The following NCALD variants were observed in gnomAD, a reference collection of about 807,000 sequenced individuals.
NCALD encodes neurocalcin-delta.
A neutral mutation model predicts 18.6 loss-of-function variants in NCALD; 10 were observed. The observed-to-expected ratio is 0.54, with a 90% CI of 0.33 to 0.91. The LOEUF is 0.91. Ranked by LOEUF, NCALD falls within the 40% of genes least tolerant of loss-of-function variation. The pLI is 0.03. For missense variants in NCALD, 184 were observed against 247.6 expected (o/e 0.74, Z 1.72); for synonymous variants, 88 against 87.4 (o/e 1.01, Z -0.04).
At chr8:102,033,750 G>A (rs1426304610) in intron 1 of NCALD, among the ~76,000 whole-genome samples, 1 of 152,106 alleles carries the variant, frequency 6.6e-6, no homozygotes, top group African/African-American at 2.4e-5. Flanking sequence ...TCTCTGGGGT[G>A]CCTTATTACT....
chr8:101,921,257 TAA>T (rs55994629), intron 2 of NCALD, among the ~76,000 whole-genome samples: 36 of 136,354 alleles, frequency 2.6e-4, no homozygotes, highest in African/African-American at 6.1e-4. Context: ...CAGAAATGTG[TAA>T]AAAAAAAAAA....
intron 4 of NCALD, among the ~76,000 whole-genome samples, chr8:101,877,832 T>G (rs1159945452): frequency 1.3e-5 from 2 of 152,188 alleles, no homozygotes; most frequent in African/African-American, 2.4e-5. Context: ...GAAGAGCTGT[T>G]TGAACACCTC....
chr8:101,695,335 T>C (rs1466851638), intron 2 of NCALD, among the ~76,000 whole-genome samples: 3 of 152,158 alleles, frequency 2.0e-5, no homozygotes, highest in South Asian at 4.1e-4. Context: ...TGGGGCTGGA[T>C]TGTTCCTTCT....
chr8:101,769,924 C>A (rs1053654089), intron 1 of NCALD, among the ~76,000 whole-genome samples: 9 of 152,136 alleles, frequency 5.9e-5, no homozygotes, highest in Non-Finnish European at 1.3e-4. Flanking sequence ...GAAGGGAGAG[C>A]AGACAAGCCC....
chr8:101,811,978 C>A (rs1813321220), intron 4 of NCALD, among the ~76,000 whole-genome samples: 1 of 152,186 alleles, frequency 6.6e-6, no homozygotes, highest in South Asian at 2.1e-4. Flanking sequence ...CTATCATCTA[C>A]AATTCAAATC....
At chr8:101,864,901 G>T (rs1195780516) in intron 4 of NCALD, among the ~76,000 whole-genome samples, 2 of 152,108 alleles carry the variant, frequency 1.3e-5, no homozygotes, top group Non-Finnish European at 1.5e-5. Flanking sequence ...CAGCTGGATT[G>T]TTCCAATTTT....
intron 4 of NCALD, among the ~76,000 whole-genome samples, chr8:101,806,670 C>A (rs1813113193): frequency 6.6e-6 from 1 of 151,690 alleles, no homozygotes; most frequent in Admixed American, 6.6e-5. Flanking sequence ...ATCTGAAGAG[C>A]AGAAAGAAAA....
chr8:101,910,759 A>G (rs1817767543), intron 3 of NCALD, among the ~76,000 whole-genome samples: 1 of 152,226 alleles, frequency 6.6e-6, no homozygotes, highest in Non-Finnish European at 1.5e-5. Flanking sequence ...ATTAAGGTAC[A>G]TGGCAAATAT....
chr8:101,745,117 CA>C (rs1367167004), intron 1 of NCALD, among the ~76,000 whole-genome samples: 11 of 151,688 alleles, frequency 7.3e-5, no homozygotes, highest in Non-Finnish European at 1.6e-4. Context: ...TATGAACTCT[CA>C]AAAAACGTAG....
intron 4 of NCALD, among the ~76,000 whole-genome samples, chr8:101,829,925 T>C (rs1215674652): frequency 1.3e-5 from 2 of 152,050 alleles, no homozygotes; most frequent in East Asian, 3.9e-4. Context: ...TAAGTGTTAT[T>C]TCCACCATTT....
intron 2 of NCALD, among the ~76,000 whole-genome samples, chr8:101,920,928 T>C (rs779125013): frequency 1.3e-5 from 2 of 152,070 alleles, no homozygotes; most frequent in African/African-American, 4.8e-5. Flanking sequence ...AATGTGACAA[T>C]AGGAAATTAC....
intron 3 of NCALD, among the ~76,000 whole-genome samples, chr8:101,909,677 A>G (rs1437753580): frequency 6.6e-6 from 1 of 152,202 alleles, no homozygotes; most frequent in Middle Eastern, 3.2e-3. Context: ...AAACTTCTGA[A>G]AAGTTCAGAA....
intron 4 of NCALD, among the ~76,000 whole-genome samples, chr8:101,862,340 C>T (rs1276802238): frequency 1.3e-5 from 2 of 152,190 alleles, no homozygotes; most frequent in African/African-American, 4.8e-5. Context: ...CTAGGACTTA[C>T]AGGATTTCCC....
At chr8:101,822,068 T>A (rs1008736096) in intron 4 of NCALD, among the ~76,000 whole-genome samples, 2 of 152,046 alleles carry the variant, frequency 1.3e-5, no homozygotes, top group African/African-American at 4.8e-5. Context: ...TTGTTGTAAG[T>A]ATTAAATGAA....
chr8:102,122,948 C>A lies in NCALD; in HGVS notation c.-210+1289G>T, dbSNP rs528735263. ...TAGGTAAACATGTGAATTTCAGTTT[C>A]TTGAGCCTCCTCCCCAGATCTGTCC... is the stretch of plus-strand genomic sequence containing the variant. On this transcript the variant is annotated intron_variant, in intron 1 of 6. Transcript: ENST00000311028. Among the ~76,000 whole-genome samples the A allele has an allele frequency of 5.3e-5, 8 of 152,346 alleles. No individual in the cohort carries two copies. In the South Asian group the frequency reaches 1.7e-3, roughly 32 times the overall value.
chr8:101,905,468 C>T (rs62518468), intron 3 of NCALD, among the ~76,000 whole-genome samples: 14,751 of 152,188 alleles, frequency 0.097, 757 homozygotes, highest in East Asian at 0.18. Context: ...TTTACCCTAA[C>T]CAACATTCTC....
intron 4 of NCALD, among the ~76,000 whole-genome samples, chr8:101,807,080 C>A (rs940396776): frequency 1.3e-5 from 2 of 151,750 alleles, no homozygotes; most frequent in African/African-American, 4.8e-5. Context: ...AAAATGAAGG[C>A]AAAAATAAAG....
chr8:101,765,481 T>C (rs897717994), intron 1 of NCALD, among the ~76,000 whole-genome samples: 7 of 152,214 alleles, frequency 4.6e-5, no homozygotes, highest in African/African-American at 1.4e-4. Flanking sequence ...AATAAATCCA[T>C]CTGCAATATT....
Position 102,033,265 on chromosome 8 carries a change from T to C in NCALD, c.-209-12976A>G, listed in dbSNP as rs1368311588. On this transcript the variant is annotated intron_variant, in intron 1 of 6. Transcript: ENST00000311028. ...AGAAGCAGCTAACCTGGTAGAATGATGGAATCACCTACTGAAGGCTCAATT... is the reference window on the plus strand; with the variant it reads ...AGAAGCAGCTAACCTGGTAGAATGACGGAATCACCTACTGAAGGCTCAATT... 3.3e-5 allele frequency among the ~76,000 whole-genome samples: 5 copies of C among 152,170 alleles called. No individual in the cohort carries two copies. The South Asian group carries it at 1.0e-3, about 32-fold the overall frequency.
Sources: allele counts gnomAD v4.1 joint callset (sites outside exome capture counted in the v4.1 genomes callset), GRCh38; gene constraint gnomAD v4.1.1; transcripts MANE v1.5; gene names NCBI Gene and HGNC (gene_info 2026-07-23, HGNC 2026-07-21).